The following TUT4 variants were observed in gnomAD, a reference collection of about 807,000 sequenced individuals.
TUT4 encodes the protein terminal uridylyl transferase 4, also known as terminal uridylyltransferase 4.
A neutral mutation model predicts 192.2 loss-of-function variants in TUT4; 36 were observed. The ratio of observed to expected loss-of-function variants is 0.19; its 90% CI spans 0.14 to 0.25. TUT4 has a LOEUF of 0.25. Ranked by LOEUF, TUT4 falls within the 10% of genes least tolerant of loss-of-function variation. The probability of loss-of-function intolerance (pLI) is 1.00; values close to 1 mark genes in which losing one functional copy is unlikely to be tolerated. For missense variants in TUT4, 1,493 were observed against 1,957.2 expected (o/e 0.76, Z 4.47); for synonymous variants, 618 against 666.0 (o/e 0.93, Z 1.11).
chr1:52,458,309 TC>T (rs771454598), intron 20 of TUT4, 26 bp downstream of exon 20: 3 of 1,562,810 alleles, frequency 1.9e-6, no homozygotes, highest in Non-Finnish European at 2.6e-6. Context: ...CAAAAAAAAC[TC>T]CTTTATAGTT....
At chr1:52,509,841 T>C (rs1400430751) in intron 3 of TUT4, 129 bp from the exon 4 acceptor site, 3 of 695,840 alleles carry the variant, frequency 4.3e-6, no homozygotes, top group Admixed American at 2.6e-5. Context: ...CTTTATCCTT[T>C]CCTTCTTCTA....
chr1:52,506,587 G>T (rs191746822), intron 4 of TUT4, among the ~76,000 whole-genome samples: 1 of 152,190 alleles, frequency 6.6e-6, no homozygotes, highest in African/African-American at 2.4e-5. Flanking sequence ...AATGTTTGAT[G>T]TACTATTATT....
At chr1:52,480,354 T>C (rs1433458829) in intron 11 of TUT4, among the ~76,000 whole-genome samples, 3 of 152,302 alleles carry the variant, frequency 2.0e-5, no homozygotes, top group East Asian at 3.9e-4. Flanking sequence ...CAAGTGTTGC[T>C]AATAAATCAA....
chr1:52,463,317 G>C, intron 16 of TUT4: 9 of 990,444 alleles, frequency 9.1e-6, no homozygotes, highest in Non-Finnish European at 1.1e-5. Flanking sequence ...CACTTTCCAA[G>C]TAGGTGGCTC....
chr1:52,429,602 ATTTT>A (rs1229514473), intron 28 of TUT4, among the ~76,000 whole-genome samples: 9 of 147,040 alleles, frequency 6.1e-5, no homozygotes, highest in Non-Finnish European at 1.4e-4. Flanking sequence ...TTATTTATTT[ATTTT>A]TTTTTGAGAG....
chr1:52,552,872 G>A (rs893284386), intron 1 of TUT4, 59 bp downstream of exon 1: 3 of 152,468 alleles, frequency 2.0e-5, no homozygotes, highest in African/African-American at 7.2e-5. Context: ...GGGGCCGCCC[G>A]GCCTTCCCGA....
rs141744769 is a variant in TUT4 at position 52,477,835 on chromosome 1, T to A, written c.1896A>T (p.Leu632Phe). 1.2e-6 allele frequency: 2 copies of A among 1,613,772 alleles called. No individual in the cohort carries two copies. The highest frequency in any genetic ancestry group is 1.7e-6 in the Non-Finnish European group (2 of 1,179,916). Residue 632 changes from leucine to phenylalanine, a missense_variant, in exon 12 of 30, where the codon TTA becomes TTT. By Grantham distance (22) the Leu-to-Phe change is conservative (BLOSUM62 0). Coordinates refer to ENST00000257177, the MANE Select transcript of TUT4 (RefSeq NM_001009881.3). Reference sequence around the variant, plus strand: ...TGTAGAATTTAAGCAGCTCTAACCATAACTGTCCCAAGGATACCCGATTTG... The same window carrying A: ...TGTAGAATTTAAGCAGCTCTAACCAAAACTGTCCCAAGGATACCCGATTTG... Reference protein sequence around the residue: ...ETPNRVSLGQLWLELLKFYTL... With the variant: ...ETPNRVSLGQFWLELLKFYTL...
chr1:52,479,387 G>T (rs765615106), intron 11 of TUT4, among the ~76,000 whole-genome samples: 45 of 152,166 alleles, frequency 3.0e-4, no homozygotes, highest in Non-Finnish European at 5.4e-4. Context: ...AGGGAAACCT[G>T]TTAGGAGGCT....
chr1:52,466,341 T>A (rs568035483), intron 15 of TUT4, among the ~76,000 whole-genome samples: 5 of 152,024 alleles, frequency 3.3e-5, no homozygotes, highest in African/African-American at 9.6e-5. Context: ...TTTACAAAAA[T>A]TTTTTAAGAT....
Position 52,475,385 on chromosome 1 carries a change from C to T in TUT4, c.2174G>A (p.Arg725Lys). 6.2e-7 allele frequency: 1 copy of T among 1,614,108 alleles called. No individual in the cohort carries two copies. Among genetic ancestry groups the T allele is most frequent in the Non-Finnish European group, 8.5e-7 (1 of 1,180,030 alleles). The change falls in exon 13 of 30, where the codon AGA (arginine) becomes AAA (lysine). Residue 725 changes from arginine (R) to lysine (K), a missense_variant. Transcript: ENST00000257177. Reference protein sequence around the residue: ...GNKSTVDFKKREKGKISNKKP... With the variant: ...GNKSTVDFKKKEKGKISNKKP... ...CTTATTGCTTATTTTCCCCTTCTCT[C>T]TTTTCTTGAAATCCACTGTAGACTT...
At chr1:52,530,387 C>G (rs547822216) in intron 1 of TUT4, among the ~76,000 whole-genome samples, 2 of 151,668 alleles carry the variant, frequency 1.3e-5, no homozygotes, top group East Asian at 3.9e-4. Flanking sequence ...TTATGGGGTA[C>G]AAGAGATGTT....
In TUT4 at chr1:52,446,445, A is replaced by T; in HGVS notation, c.3514-3T>A. The T allele has an allele frequency of 6.4e-7, 1 of 1,566,430 alleles. No homozygotes were observed. The highest frequency in any genetic ancestry group is 8.6e-7 in the Non-Finnish European group (1 of 1,164,288). ...CCAAGTGAAGGTAAACGCTTTTTCT[A>T]CATATAAAAAAAAAAAGAAAAGAAC... On this transcript the variant is annotated splice_region_variant and splice_polypyrimidine_tract_variant and intron_variant, in intron 21 of 29. Coordinates refer to ENST00000257177, the MANE Select transcript of TUT4 (RefSeq NM_001009881.3).
intron 7 of TUT4, among the ~76,000 whole-genome samples, chr1:52,492,766 A>T (rs1306743656): frequency 2.0e-5 from 3 of 152,232 alleles, no homozygotes; most frequent in South Asian, 4.1e-4. Context: ...TAATTTTTAA[A>T]TTTTTCTTAC....
chr1:52,505,284 G>A (rs1221939032), intron 4 of TUT4, among the ~76,000 whole-genome samples: 2 of 151,694 alleles, frequency 1.3e-5, no homozygotes, highest in African/African-American at 4.8e-5. Flanking sequence ...TTTTAACAGG[G>A]TCTCATTATA....
At chr1:52,439,124 T>TG (rs1654731138) in intron 24 of TUT4, among the ~76,000 whole-genome samples, 1 of 146,168 alleles carries the variant, frequency 6.8e-6, no homozygotes, top group African/African-American at 2.6e-5. Flanking sequence ...GAGGCTGAGA[T>TG]GGGAGGACCA....
At chr1:52,457,738 G>C (rs573064149) in intron 20 of TUT4, among the ~76,000 whole-genome samples, 2 of 152,234 alleles carry the variant, frequency 1.3e-5, no homozygotes, top group South Asian at 2.1e-4. Context: ...TATCTCCTTT[G>C]TACCAATTTC....
chr1:52,456,851 T>C (rs551777236), intron 20 of TUT4, among the ~76,000 whole-genome samples: 1 of 152,302 alleles, frequency 6.6e-6, no homozygotes, highest in South Asian at 2.1e-4. Context: ...AAATGTTAAT[T>C]GCAAACTATG....
intron 14 of TUT4, chr1:52,468,572 C>A: frequency 4.3e-6 from 1 of 231,170 alleles, no homozygotes; most frequent in Non-Finnish European, 8.4e-6. Context: ...TTTACTTCTT[C>A]ACTCTCCCCC....
chr1:52,506,999 C>A (rs553891944), intron 4 of TUT4, among the ~76,000 whole-genome samples: 157 of 152,282 alleles, frequency 1.0e-3, no homozygotes, highest in African/African-American at 3.6e-3. Flanking sequence ...TAGGACCAGA[C>A]CACATTTAGT....
Sources: allele counts gnomAD v4.1 joint callset (sites outside exome capture counted in the v4.1 genomes callset), GRCh38; gene constraint gnomAD v4.1.1; transcripts MANE v1.5; gene names NCBI Gene and HGNC (gene_info 2026-07-23, HGNC 2026-07-21).